CSDE1: variants seen among roughly 807,000 people sequenced by gnomAD.
CSDE1 encodes the protein cold shock domain containing E1, also known as cold shock domain-containing protein E1.
A neutral mutation model predicts 89.3 loss-of-function variants in CSDE1; 17 were observed. The ratio of observed to expected loss-of-function variants is 0.19; its 90% CI spans 0.13 to 0.29. The LOEUF (loss-of-function observed/expected upper bound fraction) is 0.29. Ranked by LOEUF, CSDE1 falls within the 10% of genes least tolerant of loss-of-function variation. CSDE1 has a pLI of 1.00. For synonymous variants in CSDE1, 322 were observed against 332.8 expected, an observed-to-expected ratio of 0.97 and a Z score of 0.35; for missense variants, 672 against 984.2, an observed-to-expected ratio of 0.68 and a Z score of 4.24.
chr1:114,735,852 G>A (rs1431742763), intron 6 of CSDE1, among the ~76,000 whole-genome samples: 1 of 151,948 alleles, frequency 6.6e-6, no homozygotes. Flanking sequence ...GAATTCTACA[G>A]CTCTATATAC....
chr1:114,726,474 C>A (rs537218559), intron 13 of CSDE1, 88 bp from the exon 14 acceptor site: 4 of 1,035,464 alleles, frequency 3.9e-6, no homozygotes, highest in Non-Finnish European at 4.1e-6. Flanking sequence ...ACTCCCCCAG[C>A]GCATGCTTTT....
intron 10 of CSDE1, among the ~76,000 whole-genome samples, chr1:114,731,016 T>G (rs1660068583): frequency 6.6e-6 from 1 of 152,156 alleles, no homozygotes; most frequent in African/African-American, 2.4e-5. Context: ...CAAAGGCACT[T>G]CTCCAGTCTC....
At chr1:114,746,101 A>AAT (rs1660998325) in intron 2 of CSDE1, among the ~76,000 whole-genome samples, 1 of 152,212 alleles carries the variant, frequency 6.6e-6, no homozygotes, top group Admixed American at 6.5e-5. Context: ...AGATCTTTAG[A>AAT]AAACTACTCT....
At position 114,726,969 on chromosome 1, in the gene CSDE1, C is replaced by G. The variant is rs756492759; in HGVS notation, c.1464+14G>C. The G allele has an allele frequency of 2.7e-5, 42 of 1,549,596 alleles. No individual in the cohort carries two copies. The highest frequency in any genetic ancestry group is 3.4e-5 in the Non-Finnish European group (38 of 1,121,842). On this transcript the variant is annotated intron_variant, in intron 13 of 19. Transcript: ENST00000358528. ...AACTCTTAACCCTCTCTCGAATGAG[C>G]AGAATTATCTTGCCTTATCTCCTAT...
At chr1:114,738,375 C>T (rs139527230) in intron 3 of CSDE1, among the ~76,000 whole-genome samples, 18 of 152,240 alleles carry the variant, frequency 1.2e-4, no homozygotes, top group African/African-American at 3.9e-4. Context: ...ATAGCCATGT[C>T]TTAATCTTAG....
intron 13 of CSDE1, 64 bp downstream of exon 13, chr1:114,726,919 C>T: frequency 9.2e-7 from 1 of 1,091,634 alleles, no homozygotes; most frequent in Non-Finnish European, 1.4e-6. Flanking sequence ...AGAACCCATC[C>T]TGCAGGATTT....
intron 16 of CSDE1, among the ~76,000 whole-genome samples, 180 bp from the exon 17 acceptor site, chr1:114,720,897 TG>T (rs1424460872): frequency 6.6e-6 from 1 of 152,226 alleles, no homozygotes; most frequent in African/African-American, 2.4e-5. Context: ...AATACTACCA[TG>T]GAACCAAATG....
intron 16 of CSDE1, among the ~76,000 whole-genome samples, chr1:114,722,747 T>TA (rs1433754078): frequency 6.6e-6 from 1 of 152,196 alleles, no homozygotes; most frequent in African/African-American, 2.4e-5. Flanking sequence ...TATTATGAGT[T>TA]AAAGTTAGTA....
chr1:114,739,682 G>A lies in CSDE1; in HGVS notation c.199+10C>T, dbSNP rs1660615328. ...GATTACATTTTTACAAAGGAGAACTGACAGATTACCTCCTACTTTTAAGTC... is the reference window on the plus strand; with the variant it reads ...GATTACATTTTTACAAAGGAGAACTAACAGATTACCTCCTACTTTTAAGTC... On this transcript the variant is annotated intron_variant, in intron 3 of 19. Transcript: ENST00000358528. 1.3e-6 allele frequency: 2 copies of A among 1,592,424 alleles called. No individual in the cohort carries two copies. Among genetic ancestry groups the A allele is most frequent in the African/African-American group, 1.3e-5 (1 of 74,568 alleles).
Position 114,718,615 on chromosome 1 carries a change from T to C in CSDE1, c.2347A>G (p.Met783Val), listed in dbSNP as rs1469177139. 1.2e-6 allele frequency: 2 copies of C among 1,614,034 alleles called. No homozygotes were observed. Among genetic ancestry groups the C allele is most frequent in the South Asian group, 1.1e-5 (1 of 91,074 alleles). ...LRQPRGPDNS[M>V]GFGAERKIRQ... ...CCAAGCCTTGTATGCCCTCATACCA[T>C]TGAGTTATCTGGTCCCCTTGGCTGA... The change falls in exon 19 of 20, where the codon ATG becomes GTG. Residue 783 changes from methionine (M) to valine (V), a missense_variant and splice_region_variant. Around this residue, in one of 8 missense-constraint regions of CSDE1, gnomAD observed 206 missense variants for 332.4 expected, o/e 0.62. Coordinates refer to ENST00000358528, the MANE Select transcript of CSDE1 (RefSeq NM_001007553.3).
At position 114,738,007 on chromosome 1, in the gene CSDE1, TCAC is replaced by T; in HGVS notation, c.262_264del (p.Val88del). 6.2e-7 allele frequency: 1 copy of T among 1,614,060 alleles called. No individual in the cohort carries two copies. The highest frequency in any genetic ancestry group is 8.5e-7 in the Non-Finnish European group (1 of 1,179,892). On this transcript the variant is annotated inframe_deletion, in exon 4 of 20. Transcript: ENST00000358528. The stretch of plus-strand genomic sequence containing the variant: ...TCAGGGAGGATTTCTTGTTTTATCT[TCAC>T]CAGTTTAACAGCAATGGGTTTCCCA...
intron 9 of CSDE1, among the ~76,000 whole-genome samples, chr1:114,733,468 G>C (rs1175414985): frequency 6.6e-6 from 1 of 150,504 alleles, no homozygotes; most frequent in Non-Finnish European, 1.5e-5. Flanking sequence ...GGAGGTTGCA[G>C]TGAGCCGAGA....
At chr1:114,720,815 TACTTA>T in intron 16 of CSDE1, 98 bp from the exon 17 acceptor site, 1 of 1,026,796 alleles carries the variant, frequency 9.7e-7, no homozygotes, top group Non-Finnish European at 1.4e-6. Flanking sequence ...TGTGTTATGT[TACTTA>T]AAATATATTT....
intron 15 of CSDE1, chr1:114,724,244 G>A (rs1389813319): frequency 3.3e-6 from 1 of 305,654 alleles, no homozygotes; most frequent in African/African-American, 2.2e-5. Flanking sequence ...ATTGTTTAAG[G>A]AATTAATAAG....
At chr1:114,725,851 G>T (rs1366525376) in intron 14 of CSDE1, among the ~76,000 whole-genome samples, 1 of 152,108 alleles carries the variant, frequency 6.6e-6, no homozygotes, top group Non-Finnish European at 1.5e-5. Flanking sequence ...GCTCAGGCTG[G>T]CCTCGAACTC....
intron 2 of CSDE1, among the ~76,000 whole-genome samples, chr1:114,742,676 G>A (rs1660793739): frequency 6.6e-6 from 1 of 152,112 alleles, no homozygotes; most frequent in East Asian, 1.9e-4. Context: ...AAAGAGCAAG[G>A]GAACTGACAT....
chr1:114,747,877 AT>A (rs973106153), intron 2 of CSDE1, among the ~76,000 whole-genome samples: 2 of 152,044 alleles, frequency 1.3e-5, no homozygotes, highest in African/African-American at 4.8e-5. Context: ...AAAAAAAAAA[AT>A]CTAATCTTTT....
chr1:114,734,214 TCA>T (rs1660267211), intron 7 of CSDE1, 97 bp from the exon 8 acceptor site: 2 of 1,360,008 alleles, frequency 1.5e-6, no homozygotes, highest in Non-Finnish European at 2.0e-6. Flanking sequence ...TATACTGTAG[TCA>T]CAATAATATA....
At chr1:114,747,807 A>C (rs1320181359) in intron 2 of CSDE1, among the ~76,000 whole-genome samples, 1 of 152,056 alleles carries the variant, frequency 6.6e-6, no homozygotes, top group African/African-American at 2.4e-5. Flanking sequence ...GCAGTGAGCC[A>C]AGATCACCCC....
Sources: gnomAD v4.1 joint callset for allele counts (sites outside exome capture counted in the v4.1 genomes callset) on GRCh38, gnomAD v4.1.1 for gene constraint, gnomAD v4.1.1 regional missense constraint, MANE v1.5 for transcripts, NCBI Gene and HGNC (gene_info 2026-07-23, HGNC 2026-07-21) for gene names.